Variants in GATA3 observed in about 807,000 individuals in gnomAD.
GATA3 encodes the protein trans-acting T-cell-specific transcription factor GATA-3.
GATA3 carries 6 observed loss-of-function variants against 36.0 expected under a neutral mutation model. That is an observed-to-expected ratio of 0.17 (90% CI 0.09 to 0.33). The LOEUF is 0.33. GATA3 is among the 10% of genes least tolerant of loss of function. GATA3 has a pLI of 1.00. For missense variants in GATA3, 514 were observed against 610.1 expected, an observed-to-expected ratio of 0.84 and a Z score of 1.66; for synonymous variants, 326 against 273.0, an observed-to-expected ratio of 1.19 and a Z score of -1.92.
In GATA3 at chr10:8,055,804, T is replaced by C. The variant is rs1832624332; in HGVS notation, c.149T>C (p.Leu50Pro). The C allele has an allele frequency of 1.3e-6, 2 of 1,593,432 alleles. No homozygotes were observed. The highest frequency in any genetic ancestry group is 1.7e-6 in the Non-Finnish European group (2 of 1,170,124). ...CCGCTGCCGGAGGAGGTGGATGTGC[T>C]TTTTAACATCGACGGTCAAGGCAAC... is the stretch of plus-strand genomic sequence containing the variant. Reference protein sequence around the residue: ...QYPLPEEVDVLFNIDGQGNHV... With the variant: ...QYPLPEEVDVPFNIDGQGNHV... The change falls in exon 2 of 6, where the codon CTT becomes CCT. Residue 50 changes from leucine (L) to proline (P), a missense_variant. By Grantham distance (98) the Leu-to-Pro change is moderately conservative (BLOSUM62 -3). This residue lies in a region of GATA3 where 381 missense variants were observed against 354.3 expected (regional missense o/e 1.08). Transcript: ENST00000379328. This position sits in a 1 kb window ranked among gnomAD's most constrained non-coding sequence, Gnocchi z 5.4.
At chr10:8,069,137 C>T (rs916049659) in intron 4 of GATA3, among the ~76,000 whole-genome samples, 17 of 152,130 alleles carry the variant, frequency 1.1e-4, no homozygotes, top group African/African-American at 3.6e-4. Context: ...AATTGCCACC[C>T]ATAAAAATTA....
In GATA3 at chr10:8,074,067, A is replaced by G. The variant is rs770473539; in HGVS notation, c.*44A>G. The G allele has an allele frequency of 1.2e-6, 2 of 1,602,708 alleles. No individual in the cohort carries two copies. The highest frequency in any genetic ancestry group is 1.7e-5 in the Admixed American group (1 of 58,920). On this transcript the variant is annotated 3_prime_UTR_variant, in exon 6 of 6. Transcript: ENST00000379328. ...CAGGGCCCCCAGCGAGAGTCCCTGCAGTCCCTTTCGACTTGCATTTTTGCA... is the reference window on the plus strand; with the variant it reads ...CAGGGCCCCCAGCGAGAGTCCCTGCGGTCCCTTTCGACTTGCATTTTTGCA...
intron 3 of GATA3, among the ~76,000 whole-genome samples, 189 bp from the exon 4 acceptor site, chr10:8,063,804 T>A (rs1832788785): frequency 6.6e-6 from 1 of 152,162 alleles, no homozygotes; most frequent in Admixed American, 6.5e-5. Flanking sequence ...GGAACGGTCA[T>A]GCCAGGACAG....
chr10:8,066,928 AC>A (rs1832852834), intron 4 of GATA3, among the ~76,000 whole-genome samples: 1 of 152,070 alleles, frequency 6.6e-6, no homozygotes, highest in Admixed American at 6.6e-5. Context: ...TGGAGCTCTG[AC>A]TTTACCAGTT....
intron 1 of GATA3, among the ~76,000 whole-genome samples, chr10:8,045,906 A>G (rs1235895004): frequency 6.6e-6 from 1 of 152,234 alleles, no homozygotes. Flanking sequence ...AGGTGGCTTC[A>G]GTGTCAATTT....
At chr10:8,059,090 GACAA>G (rs1437406273) in intron 3 of GATA3, among the ~76,000 whole-genome samples, 10 of 152,198 alleles carry the variant, frequency 6.6e-5, no homozygotes, top group Non-Finnish European at 1.0e-4. Flanking sequence ...TAGGAAAAAA[GACAA>G]ACAAAAACAA....
At chr10:8,051,235 G>A (rs1350237227), upstream of GATA3, 2 of 404,624 alleles carry the variant, frequency 4.9e-6, no homozygotes, top group Admixed American at 2.8e-5. Flanking sequence ...AGAAAGTCCG[G>A]CTCCATTTCT....
At chr10:8,062,770 A>T (rs929877647) in intron 3 of GATA3, among the ~76,000 whole-genome samples, 4 of 151,900 alleles carry the variant, frequency 2.6e-5, no homozygotes, top group Non-Finnish European at 4.4e-5. Context: ...TCTCTGGGGG[A>T]CCAACTTGAG....
chr10:8,057,303 T>G (rs1343127022), intron 2 of GATA3, among the ~76,000 whole-genome samples: 4 of 152,230 alleles, frequency 2.6e-5, no homozygotes, highest in Non-Finnish European at 5.9e-5. Context: ...TCAAGAAGTG[T>G]GTGGATTTGC....
chr10:8,064,202 CGGAAGGA>C (rs1832795500), intron 4 of GATA3, 64 bp downstream of exon 4: 72 of 1,599,798 alleles, frequency 4.5e-5, no homozygotes, highest in Non-Finnish European at 6.0e-5. Flanking sequence ...TCCTCTCTTC[CGGAAGGA>C]CAGCTTTCTG....
rs754738004 is a variant in GATA3 at position 8,061,089 on chromosome 10, C to CTCTCTCTT, written c.778+2249_778+2250insCTCTCTTT. ...TTGCTCTCTCTCTCTCTCTCTCTCT[C>CTCTCTCTT]TTTTTTACCCCTTTAACCTCTTCTT... On this transcript the variant is annotated intron_variant, in intron 3 of 5. Coordinates refer to ENST00000379328, the MANE Select transcript of GATA3 (RefSeq NM_001002295.2). Among the ~76,000 whole-genome samples, 623 of 145,804 alleles carry CTCTCTCTT rather than the reference C, an allele frequency of 4.3e-3. 5 individuals carry two copies. Among genetic ancestry groups the CTCTCTCTT allele is most frequent in the Admixed American group, 5.2e-3 (76 of 14,548 alleles).
chr10:8,074,014 C>A lies in GATA3; in HGVS notation c.1326C>A (p.Ala442=), dbSNP rs751803757. The change falls in exon 6 of 6, where the codon GCC becomes GCA. Residue 442 remains alanine (A), a synonymous_variant. Transcript: ENST00000379328. Reference sequence around the variant, plus strand: ...ACCACCCCTCCAGCATGGTCACCGCCATGGGTTAGAGCCCTGCTCGATGCT... The same window carrying A: ...ACCACCCCTCCAGCATGGTCACCGCAATGGGTTAGAGCCCTGCTCGATGCT... The part of the protein sequence containing the change: ...GPHHPSSMVT[A]MG 6.2e-7 allele frequency: 1 copy of A among 1,614,112 alleles called. No individual in the cohort carries two copies. The highest frequency in any genetic ancestry group is 8.5e-7 in the Non-Finnish European group (1 of 1,179,998).
At chr10:8,064,330 A>G (rs1175049949) in intron 4 of GATA3, among the ~76,000 whole-genome samples, 192 bp downstream of exon 4, 9 of 80,314 alleles carry the variant, frequency 1.1e-4, no homozygotes, top group Non-Finnish European at 1.6e-4. Context: ...TTTTTTTTTC[A>G]AATTTGATAC....
chr10:8,050,813 GC>G (rs758133364), upstream of GATA3: 16 of 395,026 alleles, frequency 4.1e-5, no homozygotes, highest in Non-Finnish European at 7.2e-5. Flanking sequence ...TCAAATGACC[GC>G]CCCGGGCGGC....
chr10:8,055,729 A>G lies in GATA3; in HGVS notation c.74A>G (p.Asp25Gly), dbSNP rs1469106968. Reference protein sequence around the residue: ...HPAVLNGQHPDTHHPGLSHSY... With the variant: ...HPAVLNGQHPGTHHPGLSHSY... ...GCCGTGCTCAACGGGCAGCACCCGG[A>G]CACGCACCACCCGGGCCTCAGCCAC... is the stretch of plus-strand genomic sequence containing the variant. The change falls in exon 2 of 6, where the codon GAC becomes GGC. Residue 25 changes from aspartate to glycine, a missense_variant. Around this residue, in one of 3 missense-constraint regions of GATA3, gnomAD observed 381 missense variants for 354.3 expected, o/e 1.08. Coordinates refer to ENST00000379328, the MANE Select transcript of GATA3 (RefSeq NM_001002295.2). This position sits in a 1 kb window ranked among gnomAD's most constrained non-coding sequence, Gnocchi z 5.4. 1 of 1,572,132 alleles carries G rather than the reference A, an allele frequency of 6.4e-7. No homozygotes were observed. Among genetic ancestry groups the G allele is most frequent in the Admixed American group, 1.8e-5 (1 of 54,274 alleles).
upstream of GATA3, among the ~76,000 whole-genome samples, chr10:8,048,633 A>AGGAG (rs1277186327): frequency 1.3e-5 from 2 of 152,122 alleles, no homozygotes; most frequent in Admixed American, 1.3e-4. Context: ...TGCCAAGGCC[A>AGGAG]GGAGGGAGGG....
At chr10:8,073,109 C>T (rs1832956524) in intron 5 of GATA3, among the ~76,000 whole-genome samples, 1 of 136,586 alleles carries the variant, frequency 7.3e-6, no homozygotes, top group Non-Finnish European at 1.5e-5. Context: ...CGCGCCACTG[C>T]ACTCCAGCCT....
intron 4 of GATA3, among the ~76,000 whole-genome samples, chr10:8,064,715 T>C (rs1832807571): frequency 6.6e-6 from 1 of 152,236 alleles, no homozygotes; most frequent in Non-Finnish European, 1.5e-5. Flanking sequence ...CTAATGCCAC[T>C]TTCCTCCTTT....
intron 4 of GATA3, among the ~76,000 whole-genome samples, chr10:8,064,368 C>T (rs1304483305): frequency 7.6e-6 from 1 of 131,712 alleles, no homozygotes; most frequent in African/African-American, 2.9e-5. Context: ...CCCTCTTTTT[C>T]CCCATCCATG....
Sources: gnomAD v4.1 joint callset for allele counts (sites outside exome capture counted in the v4.1 genomes callset) on GRCh38, gnomAD v4.1.1 for gene constraint, gnomAD v4.1.1 regional missense constraint, Gnocchi (gnomAD v3.1) non-coding constraint, MANE v1.5 for transcripts, NCBI Gene and HGNC (gene_info 2026-07-23, HGNC 2026-07-21) for gene names.